The following ALK variants were observed in gnomAD, a reference collection of about 807,000 sequenced individuals.
ALK encodes ALK receptor tyrosine kinase, also known as ALK tyrosine kinase receptor.
In ALK, 74 loss-of-function variants were observed where a neutral mutation model predicts 163.1. The observed-to-expected ratio is 0.45, with a 90% CI of 0.38 to 0.55. The LOEUF (loss-of-function observed/expected upper bound fraction) is 0.55. Among genes scored for constraint, ALK ranks in the 20% least tolerant of loss-of-function variants. ALK has a pLI of 0.00. For synonymous variants in ALK, 960 were observed against 843.2 expected, an observed-to-expected ratio of 1.14 and a Z score of -2.40; for missense variants, 2,063 against 2,105.3, an observed-to-expected ratio of 0.98 and a Z score of 0.39.
intron 4 of ALK, among the ~76,000 whole-genome samples, chr2:29,503,935 G>A (rs925891114): frequency 2.0e-5 from 3 of 151,612 alleles, no homozygotes; most frequent in African/African-American, 7.3e-5. Context: ...AGTAATTGTG[G>A]TTTTTACCAT....
chr2:29,897,517 T>TG (rs990190311), intron 1 of ALK, among the ~76,000 whole-genome samples: 2 of 151,774 alleles, frequency 1.3e-5, no homozygotes, highest in African/African-American at 4.8e-5. Flanking sequence ...GGTGGTGGGG[T>TG]GGGGGCCCCA....
intron 8 of ALK, among the ~76,000 whole-genome samples, chr2:29,316,416 T>C (rs1666837611): frequency 6.6e-6 from 1 of 151,930 alleles, no homozygotes; most frequent in African/African-American, 2.4e-5. Flanking sequence ...CAGAGCAAAT[T>C]AGACTGCAGG....
At chr2:29,852,855 T>G (rs1380948431) in intron 1 of ALK, among the ~76,000 whole-genome samples, 2 of 151,698 alleles carry the variant, frequency 1.3e-5, no homozygotes, top group South Asian at 2.1e-4. Context: ...TCTCTCTCTC[T>G]CTCTCTCTCT....
chr2:29,655,224 AC>A (rs1677152247), intron 3 of ALK, among the ~76,000 whole-genome samples: 1 of 152,168 alleles, frequency 6.6e-6, no homozygotes, highest in African/African-American at 2.4e-5. Context: ...ACTTGGCAAT[AC>A]TGGGGTATTA....
intron 4 of ALK, among the ~76,000 whole-genome samples, chr2:29,422,185 A>G (rs1403435683): frequency 6.6e-6 from 1 of 151,484 alleles, no homozygotes; most frequent in African/African-American, 2.5e-5. Flanking sequence ...AGAATTACAG[A>G]ATTAAAAGTC....
At position 29,767,689 on chromosome 2, in the gene ALK, C is replaced by T. The variant is rs1198139984; in HGVS notation, c.668-49992G>A. On this transcript the variant is annotated intron_variant, in intron 1 of 28. Coordinates refer to ENST00000389048, the MANE Select transcript of ALK (RefSeq NM_004304.5). ...AGTCACTCAGGCTCTCAAGAAGAGA[C>T]AGACCCCAGCTGGACATGTTCTTTA... 2.6e-5 allele frequency among the ~76,000 whole-genome samples: 4 copies of T among 152,324 alleles called. No homozygotes were observed. In the East Asian group the frequency reaches 7.7e-4, roughly 29 times the overall value.
chr2:29,805,733 C>T (rs951187009), intron 1 of ALK, among the ~76,000 whole-genome samples: 1 of 152,110 alleles, frequency 6.6e-6, no homozygotes, highest in Non-Finnish European at 1.5e-5. Flanking sequence ...TTTCTTTATC[C>T]AGTCTATCGT....
intron 1 of ALK, among the ~76,000 whole-genome samples, chr2:29,842,142 A>G (rs1445224992): frequency 1.3e-5 from 2 of 151,962 alleles, no homozygotes; most frequent in Non-Finnish European, 2.9e-5. Flanking sequence ...ACTTTGAAGG[A>G]GAGCCTGCCT....
At chr2:29,245,922 G>T (rs957729691) in intron 12 of ALK, among the ~76,000 whole-genome samples, 7 of 152,234 alleles carry the variant, frequency 4.6e-5, no homozygotes, top group African/African-American at 1.7e-4. Flanking sequence ...GCGTTGTCCG[G>T]CTGCACACGC....
intron 11 of ALK, among the ~76,000 whole-genome samples, chr2:29,264,091 C>T: frequency 6.6e-6 from 1 of 152,354 alleles, no homozygotes; most frequent in Admixed American, 6.5e-5. Context: ...TGGCCTTCTG[C>T]CTGACTTCTT....
intron 1 of ALK, among the ~76,000 whole-genome samples, chr2:29,826,327 C>T (rs1665198067): frequency 6.6e-6 from 1 of 151,938 alleles, no homozygotes; most frequent in Non-Finnish European, 1.5e-5. Context: ...GGAAATACGT[C>T]TGCAGTTTGT....
intron 4 of ALK, among the ~76,000 whole-genome samples, chr2:29,452,031 C>G (rs1413197590): frequency 1.3e-5 from 2 of 152,170 alleles, no homozygotes; most frequent in Admixed American, 6.5e-5. Flanking sequence ...ATATAAGTAG[C>G]TGACATGGCT....
intron 11 of ALK, among the ~76,000 whole-genome samples, chr2:29,269,628 T>C (rs1204025094): frequency 2.0e-5 from 3 of 152,218 alleles, no homozygotes; most frequent in Non-Finnish European, 4.4e-5. Flanking sequence ...TCATCACTAG[T>C]GTGCTTGCTA....
intron 4 of ALK, among the ~76,000 whole-genome samples, chr2:29,423,859 G>A (rs1476835845): frequency 6.6e-6 from 1 of 152,198 alleles, no homozygotes; most frequent in Non-Finnish European, 1.5e-5. Context: ...ACACAGAAAG[G>A]AGGAGGCTAT....
At chr2:29,261,942 A>G (rs905061515) in intron 11 of ALK, among the ~76,000 whole-genome samples, 2 of 152,178 alleles carry the variant, frequency 1.3e-5, no homozygotes, top group African/African-American at 4.8e-5. Flanking sequence ...ATATTTTGGC[A>G]TTTATATTTG....
At chr2:29,378,953 T>A (rs987517630) in intron 5 of ALK, among the ~76,000 whole-genome samples, 3 of 152,122 alleles carry the variant, frequency 2.0e-5, no homozygotes, top group Admixed American at 1.3e-4. Context: ...CCTCAGGTGA[T>A]CCACCCACCT....
At chr2:29,743,953 A>T (rs1195229710) in intron 1 of ALK, among the ~76,000 whole-genome samples, 1 of 151,986 alleles carries the variant, frequency 6.6e-6, no homozygotes, top group African/African-American at 2.4e-5. Flanking sequence ...AATAAAAAAA[A>T]AAATGCTTAG....
At chr2:29,813,510 C>T (rs1179575429) in intron 1 of ALK, among the ~76,000 whole-genome samples, 1 of 152,006 alleles carries the variant, frequency 6.6e-6, no homozygotes, top group Non-Finnish European at 1.5e-5. Context: ...ACACCAGAAG[C>T]AAGGAGTCAC....
At chr2:29,653,462 G>T (rs2148255608) in intron 3 of ALK, among the ~76,000 whole-genome samples, 1 of 152,196 alleles carries the variant, frequency 6.6e-6, no homozygotes, top group Non-Finnish European at 1.5e-5. Context: ...GTGACCTAGG[G>T]TTGGATCGTC....
Sources: allele counts gnomAD v4.1 joint callset (sites outside exome capture counted in the v4.1 genomes callset), GRCh38; gene constraint gnomAD v4.1.1; transcripts MANE v1.5; gene names NCBI Gene and HGNC (gene_info 2026-07-23, HGNC 2026-07-21).